The following KMT2C variants were observed in gnomAD, a reference collection of about 807,000 sequenced individuals.
KMT2C encodes the protein histone-lysine N-methyltransferase 2C.
In KMT2C, 88 loss-of-function variants were observed where a neutral mutation model predicts 507.9. That is an observed-to-expected ratio of 0.17 (90% CI 0.15 to 0.21). KMT2C has a LOEUF of 0.21. Ranked by LOEUF, KMT2C falls within the 10% of genes least tolerant of loss-of-function variation. KMT2C has a pLI of 1.00. For synonymous variants in KMT2C, 2,049 were observed against 2,080.8 expected (o/e 0.98, Z 0.42); for missense variants, 4,954 against 5,957.8 (o/e 0.83, Z 5.55).
chr7:152,244,738 A>G (rs2095442008), intron 14 of KMT2C, among the ~76,000 whole-genome samples: 1 of 152,168 alleles, frequency 6.6e-6, no homozygotes, highest in African/African-American at 2.4e-5. Flanking sequence ...GAAAACAAAA[A>G]ACAAAAGGAA....
At chr7:152,233,563 A>T (rs1392344403) in intron 16 of KMT2C, among the ~76,000 whole-genome samples, 1 of 152,218 alleles carries the variant, frequency 6.6e-6, no homozygotes, top group Non-Finnish European at 1.5e-5. Flanking sequence ...AAAGTCCATG[A>T]AAACAAAGGC....
chr7:152,301,123 C>T (rs1282282809), intron 6 of KMT2C, among the ~76,000 whole-genome samples: 2 of 151,234 alleles, frequency 1.3e-5, no homozygotes, highest in Non-Finnish European at 2.9e-5. Flanking sequence ...AGCACCTTGG[C>T]AGGCCCAGGT....
At chr7:152,197,955 T>A (rs1165114593) in intron 27 of KMT2C, among the ~76,000 whole-genome samples, 1 of 152,120 alleles carries the variant, frequency 6.6e-6, no homozygotes, top group Admixed American at 6.6e-5. Context: ...CTTGTATCAA[T>A]ATCTTTCCTA....
chr7:152,416,943 G>C (rs1333147726), intron 1 of KMT2C, among the ~76,000 whole-genome samples: 1 of 150,774 alleles, frequency 6.6e-6, no homozygotes, highest in Non-Finnish European at 1.5e-5. Flanking sequence ...CAGCTATTCA[G>C]GGCGCTGACA....
intron 1 of KMT2C, among the ~76,000 whole-genome samples, chr7:152,398,334 T>G (rs1469121391): frequency 2.0e-5 from 3 of 152,138 alleles, no homozygotes; most frequent in Non-Finnish European, 2.9e-5. Flanking sequence ...ATGAGATAGA[T>G]GTGTATAAGC....
rs767128852 is a variant in KMT2C, at chr7:152,158,871, A to C, written c.11662T>G (p.Leu3888Val). The change falls in exon 44 of 59, where the codon TTG (leucine) becomes GTG (valine). Residue 3888 changes from leucine (L) to valine (V), a missense_variant. Coordinates refer to ENST00000262189, the MANE Select transcript of KMT2C (RefSeq NM_170606.3). ...MYSSTDTFTHLKQQNNLSNPP... is the reference protein window; with the variant it reads ...MYSSTDTFTHVKQQNNLSNPP... ...AAATGACTCACCCTCACCTGTTTCA[A>C]GTGGGTAAACGTGTCAGTGCTAGAG... 2.5e-6 allele frequency: 4 copies of C among 1,614,012 alleles called. No individual in the cohort carries two copies. The East Asian group carries it at 6.7e-5, about 27-fold the overall frequency.
intron 1 of KMT2C, among the ~76,000 whole-genome samples, chr7:152,388,838 T>C (rs975143008): frequency 2.0e-5 from 3 of 152,232 alleles, no homozygotes; most frequent in African/African-American, 7.2e-5. Flanking sequence ...AATCTCTGCC[T>C]CCCGGGTTCA....
intron 44 of KMT2C, chr7:152,157,958 T>C (rs772060656): frequency 1.0e-5 from 13 of 1,283,546 alleles, no homozygotes; most frequent in South Asian, 1.3e-5. Flanking sequence ...GTAATGTACA[T>C]GATAAAAGGA....
chr7:152,163,568 G>A lies in KMT2C; in HGVS notation c.10009C>T (p.Pro3337Ser), dbSNP rs2129104573. The change falls in exon 43 of 59, where the codon CCC becomes TCC. Residue 3337 changes from proline (P) to serine (S), a missense_variant. This residue lies in a region of KMT2C where 801 missense variants were observed against 751.2 expected (regional missense o/e 1.07). Coordinates refer to ENST00000262189, the MANE Select transcript of KMT2C (RefSeq NM_170606.3). The part of the protein sequence containing the change: ...VRMPSLPGWQ[P>S]NSAPAHLPLN... ...GGCAGGTGGGCAGGAGCACTGTTGG[G>A]TTGCCATCCAGGTAAACTGGGCATT... 6.2e-7 allele frequency: 1 copy of A among 1,606,864 alleles called. No individual in the cohort carries two copies. Among genetic ancestry groups the A allele is most frequent in the South Asian group, 1.1e-5 (1 of 90,044 alleles).
At chr7:152,364,629 A>AAAAAAAAAAAAAAG (rs1554679999) in intron 1 of KMT2C, among the ~76,000 whole-genome samples, 1 of 147,654 alleles carries the variant, frequency 6.8e-6, no homozygotes, top group African/African-American at 2.6e-5. Context: ...AAGAAAAGAA[A>AAAAAAAAAAAAAAG]AAAAGAAAAA....
chr7:152,311,817 T>G lies in KMT2C; in HGVS notation c.720A>C (p.Gln240His). ...LVGLPDAIDI[Q>H]ALFDSTGTCW... is the part of the protein sequence containing the mutation. ...CCATACCTGTAGAATCAAATAAGGC[T>G]TGGATATCAATGGCATCTGGAAGCC... The change falls in exon 5 of 59, where the codon CAA (glutamine) becomes CAC (histidine). Residue 240 changes from glutamine (Q) to histidine (H), a missense_variant. Coordinates refer to ENST00000262189, the MANE Select transcript of KMT2C (RefSeq NM_170606.3). 1.2e-6 allele frequency: 2 copies of G among 1,610,764 alleles called. No homozygotes were observed. Among genetic ancestry groups the G allele is most frequent in the Non-Finnish European group, 1.7e-6 (2 of 1,177,634 alleles).
At chr7:152,249,553 T>A (rs74926228) in intron 13 of KMT2C, among the ~76,000 whole-genome samples, 1 of 150,298 alleles carries the variant, frequency 6.7e-6, no homozygotes, top group African/African-American at 2.4e-5. Context: ...TGTTCTGATA[T>A]CAAACTGAAA....
At chr7:152,153,833 C>T (rs2091846649) in intron 48 of KMT2C, among the ~76,000 whole-genome samples, 177 bp downstream of exon 48, 1 of 151,898 alleles carries the variant, frequency 6.6e-6, no homozygotes, top group Non-Finnish European at 1.5e-5. Context: ...GAGACCAATT[C>T]AATGACAAAC....
chr7:152,338,015 C>T (rs1036945496), intron 2 of KMT2C, among the ~76,000 whole-genome samples: 19 of 152,140 alleles, frequency 1.2e-4, no homozygotes, highest in African/African-American at 4.3e-4. Context: ...CGGCACCACA[C>T]CTGGCTAATT....
At chr7:152,320,957 G>A (rs988965887) in intron 3 of KMT2C, among the ~76,000 whole-genome samples, 3 of 152,012 alleles carry the variant, frequency 2.0e-5, no homozygotes, top group African/African-American at 7.2e-5. Flanking sequence ...CTTCTGGCCA[G>A]GTGCAGTGGC....
chr7:152,364,603 C>T (rs1400491233), intron 1 of KMT2C, among the ~76,000 whole-genome samples: 2 of 118,584 alleles, frequency 1.7e-5, no homozygotes, highest in African/African-American at 1.2e-4. Context: ...AGCGAGACTC[C>T]GTCTCCAAAA....
At chr7:152,301,083 C>A (rs1186336874) in intron 6 of KMT2C, among the ~76,000 whole-genome samples, 3 of 151,220 alleles carry the variant, frequency 2.0e-5, no homozygotes, top group African/African-American at 7.3e-5. Flanking sequence ...CTATAAAGGG[C>A]TGGGCGCAGT....
chr7:152,292,785 G>A (rs2096449125), intron 6 of KMT2C, among the ~76,000 whole-genome samples: 1 of 152,084 alleles, frequency 6.6e-6, no homozygotes, highest in Non-Finnish European at 1.5e-5. Context: ...ACTGCCAGAA[G>A]CTTCTCAGCT....
intron 33 of KMT2C, among the ~76,000 whole-genome samples, chr7:152,186,943 G>T (rs1366652690): frequency 6.6e-6 from 1 of 152,046 alleles, no homozygotes; most frequent in Non-Finnish European, 1.5e-5. Flanking sequence ...CAGTATTTTT[G>T]ATTAAATGAT....
Sources: allele counts gnomAD v4.1 joint callset (sites outside exome capture counted in the v4.1 genomes callset), GRCh38; gene constraint gnomAD v4.1.1; regional missense constraint gnomAD v4.1.1; transcripts MANE v1.5; gene names NCBI Gene and HGNC (gene_info 2026-07-23, HGNC 2026-07-21).